The following ROCK1 variants were observed in gnomAD, a reference collection of about 807,000 sequenced individuals.
ROCK1 encodes the protein rho-associated protein kinase 1.
ROCK1 carries 36 observed loss-of-function variants against 196.8 expected under a neutral mutation model. That is an observed-to-expected ratio of 0.18 (90% CI 0.14 to 0.24). The LOEUF is 0.24. ROCK1 is among the 10% of genes least tolerant of loss of function. The pLI is 1.00. For missense variants in ROCK1, 920 were observed against 1,562.0 expected (o/e 0.59, Z 6.93); for synonymous variants, 443 against 515.9 (o/e 0.86, Z 1.91).
At chr18:20,996,746 G>A (rs2035674201) in intron 16 of ROCK1, among the ~76,000 whole-genome samples, 1 of 152,192 alleles carries the variant, frequency 6.6e-6, no homozygotes, top group African/African-American at 2.4e-5. Flanking sequence ...TTTCCAAGAG[G>A]CAGTAAGATT....
intron 27 of ROCK1, 37 bp from the exon 28 acceptor site, chr18:20,960,243 A>C (rs1205230302): frequency 4.8e-6 from 6 of 1,239,796 alleles, no homozygotes; most frequent in Non-Finnish European, 2.4e-6. Context: ...GTCAGTCTTA[A>C]ATTGTAACAA....
chr18:21,050,737 T>C (rs1392272421), intron 2 of ROCK1, among the ~76,000 whole-genome samples: 1 of 152,230 alleles, frequency 6.6e-6, no homozygotes, highest in Non-Finnish European at 1.5e-5. Context: ...GTGTACTTTA[T>C]GACCAATAAA....
chr18:21,024,486 CACT>C (rs1431714814), intron 10 of ROCK1, among the ~76,000 whole-genome samples: 1 of 152,162 alleles, frequency 6.6e-6, no homozygotes, highest in Non-Finnish European at 1.5e-5. Context: ...CTACCATAAT[CACT>C]ACTTCTACCA....
At chr18:21,078,502 G>A (rs1477309626) in intron 1 of ROCK1, among the ~76,000 whole-genome samples, 1 of 152,122 alleles carries the variant, frequency 6.6e-6, no homozygotes, top group Non-Finnish European at 1.5e-5. Context: ...TAGCAGGAAA[G>A]CCCGGGGCAC....
intron 18 of ROCK1, among the ~76,000 whole-genome samples, chr18:20,989,128 A>G (rs1315502610): frequency 6.6e-6 from 1 of 152,230 alleles, no homozygotes; most frequent in Non-Finnish European, 1.5e-5. Flanking sequence ...TTTGACTAAA[A>G]AGGAAAATTG....
intron 1 of ROCK1, among the ~76,000 whole-genome samples, chr18:21,072,269 C>T (rs2036391950): frequency 6.6e-6 from 1 of 152,172 alleles, no homozygotes; most frequent in African/African-American, 2.4e-5. Flanking sequence ...CACTTTAATT[C>T]TACAATACCA....
chr18:21,032,675 A>G (rs2036019430), intron 9 of ROCK1, among the ~76,000 whole-genome samples: 1 of 145,258 alleles, frequency 6.9e-6, no homozygotes, highest in Non-Finnish European at 1.5e-5. Flanking sequence ...GTGCACCACC[A>G]TGCCTGGCTA....
chr18:21,055,667 T>TC, intron 2 of ROCK1, among the ~76,000 whole-genome samples: 1 of 152,108 alleles, frequency 6.6e-6, no homozygotes, highest in East Asian at 1.9e-4. Context: ...GCTTTACCCC[T>TC]CCTAACCGGA....
chr18:20,954,678 A>G (rs2035224296), intron 31 of ROCK1, 105 bp downstream of exon 31: 2 of 1,164,988 alleles, frequency 1.7e-6, no homozygotes, highest in Non-Finnish European at 1.2e-6. Flanking sequence ...AATACTTTCT[A>G]TAATCTCTTT....
intron 29 of ROCK1, among the ~76,000 whole-genome samples, chr18:20,958,764 C>G (rs1322795197): frequency 4.2e-3 from 466 of 111,794 alleles, no homozygotes; most frequent in East Asian, 0.016. Context: ...TTAAAATCAT[C>G]TCTGTATTAC....
At chr18:21,075,719 C>T (rs1334078997) in intron 1 of ROCK1, among the ~76,000 whole-genome samples, 2 of 151,830 alleles carry the variant, frequency 1.3e-5, no homozygotes, top group East Asian at 1.9e-4. Flanking sequence ...TTTGGGAGGC[C>T]GAGGCTGGTG....
chr18:21,025,172 G>T (rs2035945220), intron 10 of ROCK1, among the ~76,000 whole-genome samples: 1 of 152,104 alleles, frequency 6.6e-6, no homozygotes. Context: ...AGGTACATTT[G>T]CATATTATAT....
chr18:21,051,784 C>T (rs765392743), intron 2 of ROCK1, among the ~76,000 whole-genome samples: 10 of 152,176 alleles, frequency 6.6e-5, no homozygotes, highest in Non-Finnish European at 1.5e-4. Flanking sequence ...ACTTCAGGCT[C>T]TTCCATAATA....
chr18:20,947,977 G>C lies in ROCK1; in HGVS notation c.*3407C>G. On this transcript the variant is annotated 3_prime_UTR_variant, in exon 33 of 33. Transcript: ENST00000399799. ...ATACAAAAATTAGCTGGGCATGGTG[G>C]TGGGCACCTGTAATCCCAGCTACTC... The C allele has an allele frequency of 6.6e-6, 1 of 151,872 alleles. No individual in the cohort carries two copies. Among genetic ancestry groups the C allele is most frequent in the Non-Finnish European group, 1.5e-5 (1 of 67,998 alleles). The allele number at this position is 151,872 out of a possible 1,614,324, so 9.4% of individuals were successfully genotyped here.
intron 2 of ROCK1, among the ~76,000 whole-genome samples, chr18:21,053,325 A>G (rs534137131): frequency 7.2e-5 from 11 of 152,100 alleles, no homozygotes; most frequent in African/African-American, 2.4e-4. Flanking sequence ...CTTTATGAAG[A>G]AATTTTACTG....
At chr18:20,980,527 T>A (rs1278645753) in intron 21 of ROCK1, among the ~76,000 whole-genome samples, 1 of 151,948 alleles carries the variant, frequency 6.6e-6, no homozygotes, top group Non-Finnish European at 1.5e-5. Flanking sequence ...GAAAAAAAAA[T>A]GTTCCACATG....
At position 21,028,874 on chromosome 18, in the gene ROCK1, C is replaced by T; in HGVS notation, c.1113G>A (p.Leu371=). 1 of 1,612,426 alleles carries T rather than the reference C, an allele frequency of 6.2e-7. No homozygotes were observed. The highest frequency in any genetic ancestry group is 8.5e-7 in the Non-Finnish European group (1 of 1,179,402). The change falls in exon 10 of 33, where the codon TTG becomes TTA. Residue 371 remains leucine (L), a synonymous_variant. Coordinates refer to ENST00000399799, the MANE Select transcript of ROCK1 (RefSeq NM_005406.3). ...TTTCTTCCTCTCCTTTATCTTCTTC[C>T]AAGTCATCAAAATTACTAGTATCAA... The part of the protein sequence containing the change: ...SDIDTSNFDD[L]EEDKGEEETF...
At chr18:20,990,248 T>G (rs1348433473) in intron 18 of ROCK1, among the ~76,000 whole-genome samples, 4 of 151,930 alleles carry the variant, frequency 2.6e-5, no homozygotes, top group Non-Finnish European at 4.4e-5. Context: ...AAACTGAGGG[T>G]ACAAAGCAAG....
intron 1 of ROCK1, among the ~76,000 whole-genome samples, chr18:21,081,041 A>G (rs1370442746): frequency 6.6e-6 from 1 of 152,136 alleles, no homozygotes; most frequent in Non-Finnish European, 1.5e-5. Flanking sequence ...GAGAGAGAGC[A>G]CTCTATCCAG....
Sources: allele counts gnomAD v4.1 joint callset (sites outside exome capture counted in the v4.1 genomes callset), GRCh38; gene constraint gnomAD v4.1.1; transcripts MANE v1.5; gene names NCBI Gene and HGNC (gene_info 2026-07-23, HGNC 2026-07-21).